TRIM9: variants seen among roughly 807,000 people sequenced by gnomAD.
TRIM9 encodes tripartite motif containing 9, also known as E3 ubiquitin-protein ligase TRIM9.
In TRIM9, 26 loss-of-function variants were observed where a neutral mutation model predicts 78.3. The ratio of observed to expected loss-of-function variants is 0.33; its 90% CI spans 0.24 to 0.46. TRIM9 has a LOEUF of 0.46. TRIM9 is among the 20% of genes least tolerant of loss of function. The pLI, the probability that TRIM9 is intolerant of heterozygous loss-of-function variation, is 1.00. For synonymous variants in TRIM9, 398 were observed against 416.5 expected (o/e 0.96, Z 0.54); for missense variants, 787 against 1,036.4 (o/e 0.76, Z 3.30).
intron 1 of TRIM9, among the ~76,000 whole-genome samples, chr14:51,046,565 C>T (rs977293535): frequency 1.3e-5 from 2 of 152,106 alleles, no homozygotes; most frequent in Admixed American, 6.5e-5. Context: ...ATGTGAAAAG[C>T]CTGGAAAATA....
rs116564903 is a variant in TRIM9, at chr14:51,018,963, C to T, written c.1041+3872G>A. 6.1e-3 allele frequency among the ~76,000 whole-genome samples: 926 copies of T among 152,268 alleles called. 7 individuals carry two copies. The highest frequency in any genetic ancestry group is 0.021 in the African/African-American group (865 of 41,554). ...ATTTAAGACAATTTCAGGGTTATGT[C>T]AAATTGTGAATGTTACATAAACAAC... On this transcript the variant is annotated intron_variant, in intron 3 of 12. Coordinates refer to ENST00000684578, the MANE Select transcript of TRIM9 (RefSeq NM_001387360.1).
intron 1 of TRIM9, among the ~76,000 whole-genome samples, chr14:51,033,473 T>C (rs970940836): frequency 2.6e-5 from 4 of 152,248 alleles, no homozygotes; most frequent in East Asian, 1.9e-4. Flanking sequence ...ATGTCTTGAC[T>C]GAGGGTTTGG....
intron 7 of TRIM9, among the ~76,000 whole-genome samples, chr14:50,991,936 C>T (rs780678521): frequency 2.6e-5 from 4 of 152,136 alleles, no homozygotes; most frequent in Admixed American, 6.5e-5. Flanking sequence ...TCCTTTGTAA[C>T]CTAGAAATAT....
intron 1 of TRIM9, among the ~76,000 whole-genome samples, chr14:51,077,386 G>GTTTTTTTTTTTTTTTTTTTTTTTTTTTT (rs146912763): frequency 1.0e-5 from 1 of 97,704 alleles, no homozygotes. Context: ...CTCCAATTCT[G>GTTTTTTTTTTTTTTTTTTTTTTTTTTTT]TTTTTTTTTT....
intron 1 of TRIM9, among the ~76,000 whole-genome samples, chr14:51,073,759 A>C (rs1253139317): frequency 6.6e-6 from 1 of 152,236 alleles, no homozygotes; most frequent in East Asian, 1.9e-4. Flanking sequence ...AAATTCATTG[A>C]AATGTACATT....
chr14:51,001,431 G>C (rs868399316), intron 5 of TRIM9, among the ~76,000 whole-genome samples: 1 of 151,836 alleles, frequency 6.6e-6, no homozygotes, highest in Non-Finnish European at 1.5e-5. Flanking sequence ...GGGTTTCACT[G>C]TGTTAGCCAG....
At chr14:51,057,863 G>C (rs1730360981) in intron 1 of TRIM9, among the ~76,000 whole-genome samples, 1 of 152,146 alleles carries the variant, frequency 6.6e-6, no homozygotes, top group African/African-American at 2.4e-5. Flanking sequence ...TGGAAAAGAT[G>C]TCTACAGAGC....
At chr14:51,072,991 TA>T (rs1265029243) in intron 1 of TRIM9, among the ~76,000 whole-genome samples, 1 of 147,786 alleles carries the variant, frequency 6.8e-6, no homozygotes, top group Non-Finnish European at 1.5e-5. Context: ...ATGTTTTATT[TA>T]TTTTTTTTTT....
chr14:51,051,177 AT>A (rs767533110), intron 1 of TRIM9, among the ~76,000 whole-genome samples: 13 of 152,238 alleles, frequency 8.5e-5, no homozygotes, highest in Non-Finnish European at 1.8e-4. Context: ...TTACAAAAAA[AT>A]ATTATCATAC....
At chr14:51,088,633 T>A (rs2064004181) in intron 1 of TRIM9, among the ~76,000 whole-genome samples, 1 of 150,380 alleles carries the variant, frequency 6.6e-6, no homozygotes. Context: ...ATACATGGAG[T>A]AATTTCGAGT....
In TRIM9 at chr14:51,010,359, G is replaced by A. The variant is rs750221599; in HGVS notation, c.1152+25C>T. The A allele has an allele frequency of 1.7e-5, 26 of 1,563,500 alleles. No homozygotes were observed. In the Admixed American group the frequency reaches 2.5e-4, roughly 15 times the overall value. ...ATGTCCTATGGGACATTTAGAATCT[G>A]ACGCAGAAACTAGTTAACTCTTACC... On this transcript the variant is annotated intron_variant, in intron 4 of 12. Transcript: ENST00000684578.
intron 7 of TRIM9, chr14:50,996,853 T>C (rs1041564668): frequency 5.5e-5 from 54 of 985,326 alleles, no homozygotes; most frequent in Non-Finnish European, 6.5e-5. Context: ...TGGAATAGCA[T>C]CACTTAGACT....
rs1417245659 is a variant in TRIM9, at chr14:51,010,385, T to C, written c.1151A>G (p.Gln384Arg). 1 of 1,612,358 alleles carries C rather than the reference T, an allele frequency of 6.2e-7. No individual in the cohort carries two copies. Among genetic ancestry groups the C allele is most frequent in the Non-Finnish European group, 8.5e-7 (1 of 1,178,570 alleles). ...IKENDPSGFL[Q>R]ISDALIRRVH... ...ACGCAGAAACTAGTTAACTCTTACC[T>C]GCAAAAAACCACTAGGATCATTTTC... Residue 384 changes from glutamine (Q) to arginine (R), a missense_variant and splice_region_variant, in exon 4 of 13, where the codon CAG (glutamine) becomes CGG (arginine). Transcript: ENST00000684578.
chr14:50,993,828 C>T (rs17796541), intron 7 of TRIM9, among the ~76,000 whole-genome samples: 15,260 of 152,180 alleles, frequency 0.1, 1,039 homozygotes, highest in Non-Finnish European at 0.15. Flanking sequence ...TGAGCATTGG[C>T]GGCTTAAAGT....
At chr14:51,002,268 C>A (rs1349165692) in intron 5 of TRIM9, among the ~76,000 whole-genome samples, 1 of 150,944 alleles carries the variant, frequency 6.6e-6, no homozygotes, top group Non-Finnish European at 1.5e-5. Context: ...ACTACAGGCC[C>A]CTGCCACCAC....
chr14:50,996,424 G>A (rs1304296345), intron 7 of TRIM9: 1 of 985,292 alleles, frequency 1.0e-6, no homozygotes, highest in Non-Finnish European at 1.2e-6. Flanking sequence ...AGAGACATAA[G>A]TGCTCAGGCT....
At chr14:51,054,326 A>G (rs1185166496) in intron 1 of TRIM9, among the ~76,000 whole-genome samples, 1 of 133,944 alleles carries the variant, frequency 7.5e-6, no homozygotes, top group Non-Finnish European at 1.7e-5. Context: ...AGGCTGAAGT[A>G]TAGTGGCTCC....
chr14:51,048,779 T>A (rs1486759886), intron 1 of TRIM9, among the ~76,000 whole-genome samples: 1 of 151,794 alleles, frequency 6.6e-6, no homozygotes, highest in Non-Finnish European at 1.5e-5. Flanking sequence ...GGTCAGGAGA[T>A]CGAGACCATC....
intron 7 of TRIM9, chr14:50,997,060 A>G: frequency 1.0e-6 from 1 of 985,446 alleles, no homozygotes; most frequent in Non-Finnish European, 1.2e-6. Context: ...AAATCAACAT[A>G]ATTAGTTCTG....
Sources: gnomAD v4.1 joint callset for allele counts (sites outside exome capture counted in the v4.1 genomes callset) on GRCh38, gnomAD v4.1.1 for gene constraint, MANE v1.5 for transcripts, NCBI Gene and HGNC (gene_info 2026-07-23, HGNC 2026-07-21) for gene names.